The following PACRG variants were observed in gnomAD, a reference collection of about 807,000 sequenced individuals.
PACRG encodes parkin coregulated gene protein.
In PACRG, 29 loss-of-function variants were observed where a neutral mutation model predicts 29.7. The observed-to-expected ratio is 0.98, with a 90% CI of 0.73 to 1.33. The LOEUF (loss-of-function observed/expected upper bound fraction) is 1.33, where lower values mean the gene tolerates loss of function less well. Ranked by LOEUF, PACRG falls within the 40% of genes most tolerant of loss-of-function variation. PACRG has a pLI of 0.00. For missense variants in PACRG, 279 were observed against 316.2 expected (o/e 0.88, Z 0.89); for synonymous variants, 116 against 118.7 (o/e 0.98, Z 0.15).
intron 2 of PACRG, among the ~76,000 whole-genome samples, chr6:162,904,007 G>A (rs962050620): frequency 2.0e-5 from 3 of 152,198 alleles, no homozygotes; most frequent in Non-Finnish European, 4.4e-5. Context: ...GGAAATAAGT[G>A]TTGATGCTGC....
At chr6:162,778,899 G>C (rs187464952) in intron 1 of PACRG, among the ~76,000 whole-genome samples, 2 of 152,164 alleles carry the variant, frequency 1.3e-5, no homozygotes, top group African/African-American at 4.8e-5. Context: ...TAAGTTCTGG[G>C]GTACATGCGC....
At chr6:163,210,544 A>G (rs1324914438) in intron 4 of PACRG, among the ~76,000 whole-genome samples, 1 of 152,132 alleles carries the variant, frequency 6.6e-6, no homozygotes, top group Non-Finnish European at 1.5e-5. Flanking sequence ...GAGGACCATA[A>G]CCTCTGAGCA....
At chr6:163,135,378 G>A (rs550409972) in intron 4 of PACRG, among the ~76,000 whole-genome samples, 232 of 152,038 alleles carry the variant, frequency 1.5e-3, no homozygotes, top group Non-Finnish European at 2.3e-3. Flanking sequence ...TAGTAGAGAC[G>A]GGGTTTCACC....
At chr6:163,135,849 T>C (rs1816916059) in intron 4 of PACRG, among the ~76,000 whole-genome samples, 1 of 152,218 alleles carries the variant, frequency 6.6e-6, no homozygotes, top group Non-Finnish European at 1.5e-5. Context: ...AAGTGCAAGA[T>C]GTATCTTTAA....
intron 4 of PACRG, among the ~76,000 whole-genome samples, chr6:163,144,044 C>T (rs936204375): frequency 6.6e-6 from 1 of 151,904 alleles, no homozygotes; most frequent in Non-Finnish European, 1.5e-5. Flanking sequence ...GCCTGGCCAA[C>T]ACGGTGAAAC....
At chr6:163,094,264 G>T (rs922041151) in intron 4 of PACRG, among the ~76,000 whole-genome samples, 1 of 152,184 alleles carries the variant, frequency 6.6e-6, no homozygotes, top group African/African-American at 2.4e-5. Context: ...ATCCCCCATG[G>T]AATTCTGAAC....
At chr6:163,283,078 G>A (rs917974220) in intron 4 of PACRG, among the ~76,000 whole-genome samples, 1 of 152,196 alleles carries the variant, frequency 6.6e-6, no homozygotes, top group Non-Finnish European at 1.5e-5. Context: ...GAGCATTTAT[G>A]CACATTACTA....
intron 2 of PACRG, among the ~76,000 whole-genome samples, chr6:162,917,548 T>C (rs913171609): frequency 6.6e-6 from 1 of 152,178 alleles, no homozygotes; most frequent in South Asian, 2.1e-4. Flanking sequence ...TTAGAAGAGA[T>C]AGATTTGGGT....
At chr6:162,756,242 T>C (rs1041512539) in intron 1 of PACRG, among the ~76,000 whole-genome samples, 21 of 152,318 alleles carry the variant, frequency 1.4e-4, no homozygotes, top group South Asian at 4.1e-4. Context: ...GAAAGTGGCG[T>C]ATTAAGGTCC....
chr6:163,058,587 AT>A (rs1044810176), intron 2 of PACRG, among the ~76,000 whole-genome samples: 2 of 151,940 alleles, frequency 1.3e-5, no homozygotes, highest in African/African-American at 2.4e-5. Context: ...AAAAAAAAAA[AT>A]CTCTACTTAA....
intron 2 of PACRG, among the ~76,000 whole-genome samples, chr6:162,947,408 T>TATATATAATCATATATAATATATAATC (rs1799173289): frequency 1.8e-5 from 1 of 55,910 alleles, no homozygotes; most frequent in Non-Finnish European, 4.3e-5. Context: ...TATATAATCA[T>TATATATAATCATATATAATATATAATC]ATATAATCAT....
chr6:163,274,733 T>C (rs1783963194), intron 4 of PACRG, among the ~76,000 whole-genome samples: 1 of 152,228 alleles, frequency 6.6e-6, no homozygotes, highest in East Asian at 1.9e-4. Flanking sequence ...TCTGTTGTTT[T>C]CTATTCGTTC....
At chr6:163,230,472 G>A (rs911225006) in intron 4 of PACRG, among the ~76,000 whole-genome samples, 2 of 151,710 alleles carry the variant, frequency 1.3e-5, no homozygotes, top group African/African-American at 4.9e-5. Context: ...CCTATTTTAA[G>A]TTCCAGGGAG....
At chr6:163,239,993 C>T (rs1435511377) in intron 4 of PACRG, among the ~76,000 whole-genome samples, 1 of 150,370 alleles carries the variant, frequency 6.7e-6, no homozygotes, top group African/African-American at 2.5e-5. Context: ...TACACACACA[C>T]TCACACCCCC....
At chr6:163,261,339 C>T (rs1256689808) in intron 4 of PACRG, among the ~76,000 whole-genome samples, 1 of 152,106 alleles carries the variant, frequency 6.6e-6, no homozygotes, top group Admixed American at 6.5e-5. Context: ...TGGTTTGCTG[C>T]ACCTATCAAC....
At chr6:162,996,712 T>A (rs1298420519) in intron 2 of PACRG, among the ~76,000 whole-genome samples, 1 of 152,172 alleles carries the variant, frequency 6.6e-6, no homozygotes, top group African/African-American at 2.4e-5. Context: ...TAAATAAGTC[T>A]AGACTAATCA....
intron 1 of PACRG, among the ~76,000 whole-genome samples, chr6:162,776,439 G>A (rs1477017068): frequency 6.6e-6 from 1 of 152,156 alleles, no homozygotes; most frequent in African/African-American, 2.4e-5. Context: ...CAATGAGCTG[G>A]CTATAAACCT....
intron 2 of PACRG, among the ~76,000 whole-genome samples, chr6:162,996,108 AAATT>A (rs1485600730): frequency 6.6e-6 from 1 of 152,160 alleles, no homozygotes; most frequent in East Asian, 1.9e-4. Flanking sequence ...CTAAGAGAAT[AAATT>A]AAATCTTCTC....
At chr6:163,267,996 TTAAAG>T (rs1783593579) in intron 4 of PACRG, among the ~76,000 whole-genome samples, 1 of 152,212 alleles carries the variant, frequency 6.6e-6, no homozygotes, top group African/African-American at 2.4e-5. Flanking sequence ...TTAGAAAACA[TTAAAG>T]TAATTTAGAA....
Sources: gnomAD v4.1 joint callset for allele counts (sites outside exome capture counted in the v4.1 genomes callset) on GRCh38, gnomAD v4.1.1 for gene constraint, MANE v1.5 for transcripts, NCBI Gene and HGNC (gene_info 2026-07-23, HGNC 2026-07-21) for gene names.